Variants in SLC12A7 observed in about 807,000 individuals in gnomAD.
SLC12A7 encodes solute carrier family 12 member 7.
In SLC12A7, 100 loss-of-function variants were observed where a neutral mutation model predicts 120.6. The observed-to-expected ratio is 0.83, with a 90% CI of 0.71 to 0.98. The LOEUF (loss-of-function observed/expected upper bound fraction) is 0.98, where lower values mean the gene tolerates loss of function less well. Ranked by LOEUF, SLC12A7 falls within the 50% of genes least tolerant of loss-of-function variation. SLC12A7 has a pLI of 0.00. For synonymous variants in SLC12A7, 760 were observed against 678.0 expected (o/e 1.12, Z -1.88); for missense variants, 1,373 against 1,548.1 (o/e 0.89, Z 1.90).
At chr5:1,059,102 A>G (rs1735921907) in intron 21 of SLC12A7, among the ~76,000 whole-genome samples, 1 of 152,190 alleles carries the variant, frequency 6.6e-6, no homozygotes, top group Non-Finnish European at 1.5e-5. Context: ...GCCGGATCTC[A>G]GGGACCTGGC....
At chr5:1,154,469 C>T in the SLC12A7 span, among the ~76,000 whole-genome samples, 1 of 151,810 alleles carries the variant, frequency 6.6e-6, no homozygotes, top group African/African-American at 2.4e-5. Context: ...ACCTCATATG[C>T]CATACACACA....
chr5:1,067,833 G>A (rs1313760578), intron 17 of SLC12A7, among the ~76,000 whole-genome samples: 10 of 147,232 alleles, frequency 6.8e-5, no homozygotes, highest in African/African-American at 1.3e-4. Context: ...GCACCGTGTC[G>A]GGGACCCTGT....
Position 1,051,042 on chromosome 5 carries a change from G to GTGTT in SLC12A7, c.*1314_*1317dup, listed in dbSNP as rs993706615. ...CCTTGTTACCACGTAACTCCCTGGG[G>GTGTT]TGTTTAAATAAATAAATATGCCACA... On this transcript the variant is annotated 3_prime_UTR_variant, in exon 24 of 24. Coordinates refer to ENST00000264930, the MANE Select transcript of SLC12A7 (RefSeq NM_006598.3). 15 of 398,048 alleles carry GTGTT rather than the reference G, an allele frequency of 3.8e-5. No individual in the cohort carries two copies. The highest frequency in any genetic ancestry group is 1.6e-4 in the African/African-American group (8 of 48,602). 24.7% of individuals were successfully genotyped at this position (398,048 alleles called of 1,614,324 possible).
At chr5:1,055,385 A>G (rs1735503874) in intron 22 of SLC12A7, among the ~76,000 whole-genome samples, 1 of 148,908 alleles carries the variant, frequency 6.7e-6, no homozygotes, top group African/African-American at 2.4e-5. Context: ...GAGCACGCAC[A>G]CAAACAGACA....
At chr5:1,063,463 G>C (rs1252289703) in intron 20 of SLC12A7, among the ~76,000 whole-genome samples, 2 of 152,158 alleles carry the variant, frequency 1.3e-5, no homozygotes, top group Non-Finnish European at 2.9e-5. Context: ...CCGGCTCTAG[G>C]GCAACACCCA....
At chr5:1,106,644 C>A (rs185792075) in intron 1 of SLC12A7, among the ~76,000 whole-genome samples, 1 of 152,092 alleles carries the variant, frequency 6.6e-6, no homozygotes, top group Non-Finnish European at 1.5e-5. Flanking sequence ...GGTGCCACGT[C>A]GGGATGTGTC....
chr5:1,089,137 G>A lies in SLC12A7; in HGVS notation c.343-9C>T, dbSNP rs371238576. The A allele has an allele frequency of 3.7e-6, 6 of 1,611,794 alleles. No homozygotes were observed. The African/African-American group carries it at 6.7e-5, about 18-fold the overall frequency. On this transcript the variant is annotated splice_polypyrimidine_tract_variant and intron_variant, in intron 3 of 23. Transcript: ENST00000264930. ...GTGCCCATGCGCGGAGCCTGCGACA[G>A]AGCATAGCGTGTCCCAGGGGCTCGT...
Position 1,110,111 on chromosome 5 carries a change from C to T in SLC12A7, c.124+1757G>A, listed in dbSNP as rs917526227. ...GATCAGGATGTGATCAAGTGGATTC[C>T]GAAGGGCAGCTGCGTGCCCGTTACA... On this transcript the variant is annotated intron_variant, in intron 1 of 23. Transcript: ENST00000264930. 9.8e-5 allele frequency among the ~76,000 whole-genome samples: 15 copies of T among 152,360 alleles called. No individual in the cohort carries two copies. The East Asian group carries it at 2.7e-3, about 27-fold the overall frequency.
intron 9 of SLC12A7, 69 bp downstream of exon 9, chr5:1,081,508 C>T: frequency 1.3e-6 from 2 of 1,522,600 alleles, no homozygotes; most frequent in Non-Finnish European, 1.8e-6. Context: ...GGTGACAGAG[C>T]AAGACCTTGC....
chr5:1,051,084 A>G lies in SLC12A7; in HGVS notation c.*1276T>C, dbSNP rs537800779. On this transcript the variant is annotated 3_prime_UTR_variant, in exon 24 of 24. Coordinates refer to ENST00000264930, the MANE Select transcript of SLC12A7 (RefSeq NM_006598.3). Reference sequence around the variant, plus strand: ...TATGCCACATAGAAAGGGAGGCCCAAGTCGGTGCCACTGCCCGCAGCCTGC... The same window carrying G: ...TATGCCACATAGAAAGGGAGGCCCAGGTCGGTGCCACTGCCCGCAGCCTGC... The G allele has an allele frequency of 2.5e-6, 1 of 396,926 alleles. No individual in the cohort carries two copies. The highest frequency in any genetic ancestry group is 4.4e-5 in the Admixed American group (1 of 22,700). 24.6% of individuals were successfully genotyped at this position (396,926 alleles called of 1,614,324 possible).
At chr5:1,105,623 T>C (rs1332666140) in intron 1 of SLC12A7, among the ~76,000 whole-genome samples, 2 of 152,266 alleles carry the variant, frequency 1.3e-5, no homozygotes, top group African/African-American at 4.8e-5. Context: ...GCCAGAGGTT[T>C]ATCTGCACAG....
At chr5:1,152,713 C>T in the SLC12A7 span, among the ~76,000 whole-genome samples, 6 of 152,150 alleles carry the variant, frequency 3.9e-5, no homozygotes, top group Non-Finnish European at 8.8e-5. Flanking sequence ...CACCGACACA[C>T]CCCAGCCATT....
chr5:1,062,698 TG>T, intron 20 of SLC12A7, among the ~76,000 whole-genome samples: 1 of 6,128 alleles, frequency 1.6e-4, no homozygotes, highest in South Asian at 0.016. Context: ...GCTGGGGGAC[TG>T]AGGGACTGGG....
intron 1 of SLC12A7, among the ~76,000 whole-genome samples, chr5:1,111,629 G>GC (rs1209864867): frequency 5.3e-5 from 8 of 152,140 alleles, no homozygotes; most frequent in African/African-American, 1.7e-4. Flanking sequence ...CCACACCTCT[G>GC]CCCCCGGTCC....
At chr5:1,106,664 C>T (rs559255323) in intron 1 of SLC12A7, among the ~76,000 whole-genome samples, 1 of 152,228 alleles carries the variant, frequency 6.6e-6, no homozygotes, top group East Asian at 1.9e-4. Context: ...CTGCAGTGCC[C>T]AAGGACAGCA....
chr5:1,133,223 C>G, the SLC12A7 span, among the ~76,000 whole-genome samples: 1 of 152,210 alleles, frequency 6.6e-6, no homozygotes, highest in African/African-American at 2.4e-5. Flanking sequence ...GCTGCTTCTA[C>G]TAAGAATTAT....
the SLC12A7 span, among the ~76,000 whole-genome samples, chr5:1,123,053 G>A: frequency 2.0e-5 from 3 of 152,228 alleles, no homozygotes; most frequent in Non-Finnish European, 4.4e-5. Flanking sequence ...AGCATCATCT[G>A]GCCAAAAATA....
chr5:1,124,436 T>C, the SLC12A7 span, among the ~76,000 whole-genome samples: 6 of 152,220 alleles, frequency 3.9e-5, no homozygotes, highest in Admixed American at 3.3e-4. Flanking sequence ...GAGAAACAGC[T>C]GCAGCCTCGA....
chr5:1,124,340 C>A, the SLC12A7 span, among the ~76,000 whole-genome samples: 65 of 152,302 alleles, frequency 4.3e-4, no homozygotes, highest in Non-Finnish European at 6.0e-4. Flanking sequence ...GCAGCTCCAG[C>A]GCCTGGTCAT....
Sources: gnomAD v4.1 joint callset for allele counts (sites outside exome capture counted in the v4.1 genomes callset) on GRCh38, gnomAD v4.1.1 for gene constraint, MANE v1.5 for transcripts, NCBI Gene and HGNC (gene_info 2026-07-23, HGNC 2026-07-21) for gene names.